BAIAP2L1: variants seen among roughly 807,000 people sequenced by gnomAD.
BAIAP2L1 encodes the protein BAR/IMD domain-containing adapter protein 2-like 1.
BAIAP2L1 carries 35 observed loss-of-function variants against 66.3 expected under a neutral mutation model. That is an observed-to-expected ratio of 0.53 (90% CI 0.40 to 0.70). BAIAP2L1 has a LOEUF of 0.70. Among genes scored for constraint, BAIAP2L1 ranks in the 30% least tolerant of loss-of-function variants. BAIAP2L1 has a pLI of 0.00. For missense variants in BAIAP2L1, 622 were observed against 656.9 expected, an observed-to-expected ratio of 0.95 and a Z score of 0.58; for synonymous variants, 269 against 248.7, an observed-to-expected ratio of 1.08 and a Z score of -0.77.
intron 5 of BAIAP2L1, among the ~76,000 whole-genome samples, chr7:98,318,382 G>C (rs897808519): frequency 1.3e-5 from 2 of 151,760 alleles, no homozygotes; most frequent in African/African-American, 2.4e-5. Flanking sequence ...TCTGCCTCCC[G>C]GGTTCAAGTG....
At chr7:98,319,483 A>T (rs770964737) in intron 5 of BAIAP2L1, among the ~76,000 whole-genome samples, 70 of 151,872 alleles carry the variant, frequency 4.6e-4, no homozygotes, top group Non-Finnish European at 8.8e-4. Flanking sequence ...TACAGCGTGA[A>T]TGTATTCTGT....
chr7:98,386,663 G>A (rs900089124), intron 1 of BAIAP2L1: 64 of 826,914 alleles, frequency 7.7e-5, no homozygotes, highest in Non-Finnish European at 9.5e-5. Flanking sequence ...GTCTCTCATC[G>A]ACTTCTCTCC....
At chr7:98,320,678 A>G (rs1157149616) in intron 3 of BAIAP2L1, among the ~76,000 whole-genome samples, 1 of 152,104 alleles carries the variant, frequency 6.6e-6, no homozygotes, top group Non-Finnish European at 1.5e-5. Context: ...GAAACAGAAC[A>G]GGGAAACACA....
intron 1 of BAIAP2L1, among the ~76,000 whole-genome samples, chr7:98,383,830 C>G (rs1021578019): frequency 6.6e-6 from 1 of 152,136 alleles, no homozygotes; most frequent in Non-Finnish European, 1.5e-5. Context: ...CCACCCCATC[C>G]TGGACCCAGG....
intron 5 of BAIAP2L1, 131 bp downstream of exon 5, chr7:98,319,927 G>C: frequency 1.3e-6 from 1 of 750,410 alleles, no homozygotes; most frequent in East Asian, 2.5e-5. Flanking sequence ...TCGGTTTCAT[G>C]CATCTGGGCA....
intron 9 of BAIAP2L1, 133 bp downstream of exon 9, chr7:98,310,312 G>T: frequency 2.1e-6 from 2 of 960,720 alleles, no homozygotes; most frequent in Non-Finnish European, 3.0e-6. Context: ...CAAAGCCAGG[G>T]CTGAATGTAT....
Position 98,292,699 on chromosome 7 carries a change from C to T in BAIAP2L1, c.*822G>A, listed in dbSNP as rs375159777. On this transcript the variant is annotated 3_prime_UTR_variant, in exon 14 of 14. Coordinates refer to ENST00000005260, the MANE Select transcript of BAIAP2L1 (RefSeq NM_018842.5). The stretch of plus-strand genomic sequence containing the variant: ...TGAGAGTCTGTACCTGATTCAAACA[C>T]GGAGAAACCAGGACCCCGAGCAGTT... 3.0e-5 allele frequency: 47 copies of T among 1,551,536 alleles called. No homozygotes were observed. The highest frequency in any genetic ancestry group is 4.1e-5 in the African/African-American group (3 of 73,026).
intron 12 of BAIAP2L1, among the ~76,000 whole-genome samples, chr7:98,297,799 C>G (rs1417438792): frequency 6.6e-6 from 1 of 152,218 alleles, no homozygotes; most frequent in Non-Finnish European, 1.5e-5. Flanking sequence ...TGGCGGCTCT[C>G]AGGAGGGGCT....
chr7:98,366,461 C>T (rs1802391743), intron 1 of BAIAP2L1, among the ~76,000 whole-genome samples: 1 of 152,170 alleles, frequency 6.6e-6, no homozygotes, highest in Non-Finnish European at 1.5e-5. Context: ...GCTCAGTTTC[C>T]ATCAGACTCC....
intron 9 of BAIAP2L1, 38 bp downstream of exon 9, chr7:98,310,406 TA>T: frequency 6.4e-7 from 1 of 1,558,366 alleles, no homozygotes; most frequent in Non-Finnish European, 8.7e-7. Flanking sequence ...AAAACAAATG[TA>T]AAAGGTATCT....
At chr7:98,396,257 T>C (rs1010368116) in intron 1 of BAIAP2L1, among the ~76,000 whole-genome samples, 4 of 151,866 alleles carry the variant, frequency 2.6e-5, no homozygotes, top group Admixed American at 6.6e-5. Flanking sequence ...TTTGTAGAGG[T>C]AGGGTCTCAC....
At chr7:98,298,773 GAC>G (rs1325513798) in intron 12 of BAIAP2L1, among the ~76,000 whole-genome samples, 1 of 152,278 alleles carries the variant, frequency 6.6e-6, no homozygotes, top group African/African-American at 2.4e-5. Context: ...AAAAGGCTGA[GAC>G]ACATAATTCC....
chr7:98,294,215 A>G, intron 12 of BAIAP2L1, 104 bp from the exon 13 acceptor site: 1 of 1,214,342 alleles, frequency 8.2e-7, no homozygotes. Flanking sequence ...CTGGTTTCGA[A>G]CTCCTGAGCT....
chr7:98,307,538 C>T (rs1014516782), intron 10 of BAIAP2L1, 151 bp downstream of exon 10: 49 of 1,457,104 alleles, frequency 3.4e-5, no homozygotes, highest in Non-Finnish European at 4.1e-5. Flanking sequence ...AGCCTGGGAT[C>T]GAATAACTTC....
In BAIAP2L1 at chr7:98,399,826, G is replaced by C. The variant is rs558249628; in HGVS notation, c.51+976C>G. 4.6e-5 allele frequency among the ~76,000 whole-genome samples: 7 copies of C among 152,256 alleles called. No homozygotes were observed. In the South Asian group the frequency reaches 1.5e-3, roughly 32 times the overall value. ...GACCGGCTATCAACGCATTCCTTAA[G>C]GTTAGGTCAATTTCATTAAAACCTC... On this transcript the variant is annotated intron_variant, in intron 1 of 13. Transcript: ENST00000005260.
intron 12 of BAIAP2L1, among the ~76,000 whole-genome samples, chr7:98,298,630 A>AC (rs1800290239): frequency 6.6e-6 from 1 of 152,046 alleles, no homozygotes; most frequent in Non-Finnish European, 1.5e-5. Flanking sequence ...AACAAAAAAA[A>AC]CATGAGGATG....
At chr7:98,399,243 T>A (rs982037190) in intron 1 of BAIAP2L1, among the ~76,000 whole-genome samples, 20 of 152,280 alleles carry the variant, frequency 1.3e-4, no homozygotes, top group African/African-American at 3.4e-4. Context: ...TGACTGAGCA[T>A]CAAAAACGCT....
intron 1 of BAIAP2L1, among the ~76,000 whole-genome samples, chr7:98,390,071 G>A (rs1002724273): frequency 1.6e-4 from 24 of 151,602 alleles, no homozygotes; most frequent in South Asian, 4.2e-4. Flanking sequence ...ACCCGCCACC[G>A]CACCCGGCTA....
At chr7:98,356,692 A>T (rs1284542552) in intron 2 of BAIAP2L1, among the ~76,000 whole-genome samples, 1 of 144,876 alleles carries the variant, frequency 6.9e-6, no homozygotes, top group Non-Finnish European at 1.5e-5. Flanking sequence ...AAAAAATTGA[A>T]GGGGCTGGGT....
Sources: gnomAD v4.1 joint callset for allele counts (sites outside exome capture counted in the v4.1 genomes callset) on GRCh38, gnomAD v4.1.1 for gene constraint, MANE v1.5 for transcripts, NCBI Gene and HGNC (gene_info 2026-07-23, HGNC 2026-07-21) for gene names.